Variants in CFAP70 observed in about 807,000 individuals in gnomAD.
CFAP70 encodes the protein cilia- and flagella-associated protein 70.
Under a neutral mutation model 137.6 loss-of-function variants are expected in CFAP70, and 81 were observed. The ratio of observed to expected loss-of-function variants is 0.59; its 90% CI spans 0.49 to 0.71. CFAP70 has a LOEUF of 0.71. Among genes scored for constraint, CFAP70 ranks in the 30% least tolerant of loss-of-function variants. The pLI is 0.00. For missense variants in CFAP70, 976 were observed against 1,226.7 expected, an observed-to-expected ratio of 0.80 and a Z score of 3.05; for synonymous variants, 382 against 423.6, an observed-to-expected ratio of 0.90 and a Z score of 1.20.
chr10:73,291,784 AAC>A, intron 17 of CFAP70, 29 bp from the exon 19 acceptor site: 1 of 1,613,650 alleles, frequency 6.2e-7, no homozygotes, highest in Non-Finnish European at 8.5e-7. Context: ...CATGATTAAC[AAC>A]ACGGTCCCAT....
At chr10:73,357,734 C>A (rs1168188977) in intron 1 of CFAP70, among the ~76,000 whole-genome samples, 1 of 152,176 alleles carries the variant, frequency 6.6e-6, no homozygotes, top group South Asian at 2.1e-4. Context: ...TGCATTTAGT[C>A]GCTTTTGAAC....
At chr10:73,335,987 A>T (rs889622306) in intron 6 of CFAP70, among the ~76,000 whole-genome samples, 2 of 151,992 alleles carry the variant, frequency 1.3e-5, no homozygotes, top group Admixed American at 6.6e-5. Context: ...AAAATAATTT[A>T]AAAATTAGCT....
intron 19 of CFAP70, among the ~76,000 whole-genome samples, chr10:73,285,116 C>T (rs1300371898): frequency 1.3e-5 from 2 of 151,848 alleles, no homozygotes; most frequent in Non-Finnish European, 2.9e-5. Context: ...AACACATGTA[C>T]ATTGCTCCAT....
chr10:73,319,987 T>C (rs1335232091), intron 9 of CFAP70, among the ~76,000 whole-genome samples: 5 of 152,230 alleles, frequency 3.3e-5, no homozygotes, highest in Non-Finnish European at 7.3e-5. Flanking sequence ...AAAACTACTA[T>C]ATTTCAGGAA....
chr10:73,330,187 C>T (rs966605801), intron 8 of CFAP70, among the ~76,000 whole-genome samples: 1 of 152,072 alleles, frequency 6.6e-6, no homozygotes, highest in Non-Finnish European at 1.5e-5. Context: ...TGCAGTGGCT[C>T]ACACCTATAA....
chr10:73,273,387 A>G lies in CFAP70; in HGVS notation c.2836-370T>C, dbSNP rs561884967. On this transcript the variant is annotated intron_variant, in intron 23 of 26. Transcript: ENST00000310715. ...AACATCATGTGGTGGCATGACAAAC[A>G]TACAATCTCTGGACTAAAAGGTATA... 2.6e-5 allele frequency among the ~76,000 whole-genome samples: 4 copies of G among 152,376 alleles called. No homozygotes were observed. The South Asian group carries it at 8.3e-4, about 32-fold the overall frequency.
chr10:73,254,013 G>T, exon 27 of CFAP70: 1 of 1,606,098 alleles, frequency 6.2e-7, no homozygotes, highest in Non-Finnish European at 8.5e-7. Flanking sequence ...GTTTCCTGTA[G>T]TGTGTGGATC....
chr10:73,293,016 G>A (rs1460712942), intron 16 of CFAP70, among the ~76,000 whole-genome samples: 1 of 152,096 alleles, frequency 6.6e-6, no homozygotes, highest in Non-Finnish European at 1.5e-5. Context: ...GTTTAAGGTT[G>A]AGGTTTATTT....
At chr10:73,344,498 C>A (rs1324093471) in intron 5 of CFAP70, among the ~76,000 whole-genome samples, 1 of 152,332 alleles carries the variant, frequency 6.6e-6, no homozygotes, top group East Asian at 1.9e-4. Flanking sequence ...CTGAAAGTCC[C>A]ATGTCCCAGG....
intron 25 of CFAP70, among the ~76,000 whole-genome samples, chr10:73,259,255 T>C (rs1379387542): frequency 1.3e-5 from 2 of 152,204 alleles, no homozygotes; most frequent in Non-Finnish European, 2.9e-5. Context: ...CATTGAAATA[T>C]TGGGGGCTGG....
At chr10:73,261,238 C>T (rs2045147955) in intron 25 of CFAP70, among the ~76,000 whole-genome samples, 1 of 151,926 alleles carries the variant, frequency 6.6e-6, no homozygotes, top group African/African-American at 2.4e-5. Flanking sequence ...GTGATTCTCT[C>T]ATCTCAGCCT....
intron 8 of CFAP70, among the ~76,000 whole-genome samples, chr10:73,325,314 C>A (rs1275972380): frequency 3.9e-5 from 6 of 152,056 alleles, no homozygotes; most frequent in African/African-American, 1.2e-4. Flanking sequence ...CCAGGCCTGC[C>A]CTAAAAGAGC....
At chr10:73,302,998 G>A (rs1789854991) in intron 12 of CFAP70, among the ~76,000 whole-genome samples, 1 of 149,696 alleles carries the variant, frequency 6.7e-6, no homozygotes, top group African/African-American at 2.5e-5. Context: ...TCCTGCCTCA[G>A]CAACCCCACC....
chr10:73,286,403 C>T (rs1016831496), intron 19 of CFAP70, among the ~76,000 whole-genome samples: 23 of 152,102 alleles, frequency 1.5e-4, no homozygotes, highest in Non-Finnish European at 2.4e-4. Flanking sequence ...GAGATCGCAC[C>T]ACTGCACTCC....
chr10:73,301,101 A>G (rs952310319), intron 12 of CFAP70, among the ~76,000 whole-genome samples: 1 of 152,252 alleles, frequency 6.6e-6, no homozygotes, highest in Non-Finnish European at 1.5e-5. Context: ...GGTTGAGGGT[A>G]GTGGAATGCA....
At chr10:73,311,630 G>T (rs920709442) in intron 11 of CFAP70, among the ~76,000 whole-genome samples, 2 of 152,104 alleles carry the variant, frequency 1.3e-5, no homozygotes, top group African/African-American at 4.8e-5. Context: ...ATGCTGGAAA[G>T]GACCTTAAAA....
At chr10:73,354,330 A>C (rs970769805) in intron 2 of CFAP70, among the ~76,000 whole-genome samples, 3 of 152,178 alleles carry the variant, frequency 2.0e-5, no homozygotes, top group Non-Finnish European at 4.4e-5. Flanking sequence ...TTTTAAACTT[A>C]ATATACTGAA....
intron 3 of CFAP70, among the ~76,000 whole-genome samples, chr10:73,352,549 T>C (rs1049690488): frequency 1.3e-5 from 2 of 152,144 alleles, no homozygotes; most frequent in African/African-American, 4.8e-5. Flanking sequence ...ATGGGATATA[T>C]AAGGCAAAAA....
chr10:73,254,154 A>G (rs2044233252), intron 26 of CFAP70, 99 bp from the exon 28 acceptor site: 1 of 940,202 alleles, frequency 1.1e-6, no homozygotes. Flanking sequence ...GCTAAAGAAC[A>G]TAGTTCCCTG....
Sources: gnomAD v4.1 joint callset for allele counts (sites outside exome capture counted in the v4.1 genomes callset) on GRCh38, gnomAD v4.1.1 for gene constraint, MANE v1.5 for transcripts, NCBI Gene and HGNC (gene_info 2026-07-23, HGNC 2026-07-21) for gene names.